AUTS2: variants seen among roughly 807,000 people sequenced by gnomAD.
AUTS2 encodes activator of transcription and developmental regulator AUTS2, also known as autism susceptibility gene 2 protein.
Under a neutral mutation model 112.4 loss-of-function variants are expected in AUTS2, and 17 were observed. The ratio of observed to expected loss-of-function variants is 0.15; its 90% CI spans 0.10 to 0.23. The LOEUF (loss-of-function observed/expected upper bound fraction) is 0.23, where lower values mean the gene tolerates loss of function less well. Among genes scored for constraint, AUTS2 ranks in the 10% least tolerant of loss-of-function variants. The pLI is 1.00. For synonymous variants in AUTS2, 751 were observed against 702.7 expected (o/e 1.07, Z -1.09); for missense variants, 1,510 against 1,701.6 (o/e 0.89, Z 1.98).
intron 5 of AUTS2, among the ~76,000 whole-genome samples, chr7:70,573,975 A>C (rs1375761438): frequency 6.6e-6 from 1 of 152,104 alleles, no homozygotes; most frequent in Non-Finnish European, 1.5e-5. Context: ...CTGTTTCTCC[A>C]TGAAGGTGTA....
intron 2 of AUTS2, among the ~76,000 whole-genome samples, chr7:70,044,819 C>T (rs1442676062): frequency 1.3e-5 from 2 of 152,064 alleles, no homozygotes; most frequent in African/African-American, 4.8e-5. Context: ...GTAAGATGAC[C>T]AGATTCAACT....
At chr7:70,509,472 G>A (rs1307142347) in intron 5 of AUTS2, among the ~76,000 whole-genome samples, 1 of 152,198 alleles carries the variant, frequency 6.6e-6, no homozygotes, top group Non-Finnish European at 1.5e-5. Context: ...ACCATGTTAA[G>A]TATTTTTCCA....
intron 5 of AUTS2, among the ~76,000 whole-genome samples, chr7:70,517,395 A>T: frequency 6.6e-6 from 1 of 152,148 alleles, no homozygotes; most frequent in Non-Finnish European, 1.5e-5. Flanking sequence ...TGCAAATCCC[A>T]GCCATCATTT....
At chr7:70,024,772 G>A (rs866425745) in intron 2 of AUTS2, among the ~76,000 whole-genome samples, 5 of 152,094 alleles carry the variant, frequency 3.3e-5, no homozygotes, top group Non-Finnish European at 5.9e-5. Context: ...GCAGTCTTGA[G>A]GCAAAATCTC....
intron 4 of AUTS2, among the ~76,000 whole-genome samples, chr7:70,192,345 TG>T (rs1809946978): frequency 6.6e-6 from 1 of 152,224 alleles, no homozygotes; most frequent in Admixed American, 6.5e-5. Context: ...ATGAATTTAG[TG>T]TGGGCCCTCT....
intron 6 of AUTS2, among the ~76,000 whole-genome samples, chr7:70,729,461 G>C (rs1787237245): frequency 6.6e-6 from 1 of 152,160 alleles, no homozygotes; most frequent in Non-Finnish European, 1.5e-5. Context: ...CCCCAGGGGG[G>C]CTTCCATGTT....
intron 4 of AUTS2, among the ~76,000 whole-genome samples, chr7:70,161,856 A>G (rs2129577502): frequency 6.6e-6 from 1 of 152,226 alleles, no homozygotes; most frequent in African/African-American, 2.4e-5. Context: ...AAACTTTTCT[A>G]AAAGGAATTA....
intron 4 of AUTS2, among the ~76,000 whole-genome samples, chr7:70,365,989 AC>A (rs1365544758): frequency 6.6e-6 from 1 of 152,206 alleles, no homozygotes; most frequent in Non-Finnish European, 1.5e-5. Flanking sequence ...TTGGGTACCT[AC>A]CATAAGCCAG....
rs139579173 is a variant in AUTS2, at chr7:70,272,458, A to G, written c.660+137887A>G. ...GGGGACATGTAATTCCTGATGGGGT[A>G]TGTCATACTGAACCTCTGAAGTCCC... On this transcript the variant is annotated intron_variant, in intron 4 of 18. Coordinates refer to ENST00000342771, the MANE Select transcript of AUTS2 (RefSeq NM_015570.4). Among the ~76,000 whole-genome samples the G allele has an allele frequency of 1.0e-3, 154 of 152,286 alleles. 1 individual carries two copies. Among genetic ancestry groups the G allele is most frequent in the East Asian group, 2.7e-3 (14 of 5,170 alleles).
chr7:69,664,967 G>T (rs1000440166), intron 1 of AUTS2, among the ~76,000 whole-genome samples: 2 of 152,186 alleles, frequency 1.3e-5, no homozygotes, highest in Admixed American at 1.3e-4. Context: ...AGGGAAGAAA[G>T]AGAAGATTTG....
rs577314164 is a variant in AUTS2, at chr7:70,312,812, A to G, written c.661-122940A>G. ...ACAAGTCACACGGGGCTGAAGGCAG[A>G]TAGTGTAACTAGGATTTGAATTTTT... On this transcript the variant is annotated intron_variant, in intron 4 of 18. Transcript: ENST00000342771. Among the ~76,000 whole-genome samples, 12 of 152,370 alleles carry G rather than the reference A, an allele frequency of 7.9e-5. No homozygotes were observed. In the South Asian group the frequency reaches 2.5e-3, roughly 32 times the overall value.
At chr7:70,126,918 C>G (rs775435959) in intron 3 of AUTS2, among the ~76,000 whole-genome samples, 1 of 152,046 alleles carries the variant, frequency 6.6e-6, no homozygotes, top group Non-Finnish European at 1.5e-5. Flanking sequence ...CCTCCACCTC[C>G]TGGGTTCAAG....
At chr7:70,329,740 C>T (rs1790658467) in intron 4 of AUTS2, among the ~76,000 whole-genome samples, 1 of 150,884 alleles carries the variant, frequency 6.6e-6, no homozygotes, top group Non-Finnish European at 1.5e-5. Context: ...TAATAAATGC[C>T]TTTTGATGCA....
chr7:69,849,674 A>G (rs1227855913), intron 1 of AUTS2, among the ~76,000 whole-genome samples: 1 of 152,016 alleles, frequency 6.6e-6, no homozygotes, highest in Non-Finnish European at 1.5e-5. Flanking sequence ...AATATGAAAT[A>G]TATACATTAA....
At chr7:70,540,050 C>T (rs1268379761) in intron 5 of AUTS2, among the ~76,000 whole-genome samples, 3 of 152,088 alleles carry the variant, frequency 2.0e-5, no homozygotes, top group Non-Finnish European at 4.4e-5. Flanking sequence ...TTCCTTGCCT[C>T]AATTTTTCTT....
intron 4 of AUTS2, among the ~76,000 whole-genome samples, chr7:70,432,648 CAG>C: frequency 6.6e-6 from 1 of 152,240 alleles, no homozygotes; most frequent in Non-Finnish European, 1.5e-5. Flanking sequence ...TGGCTTTTTA[CAG>C]AGTGTGTTAG....
chr7:70,387,097 C>T (rs1474494313), intron 4 of AUTS2, among the ~76,000 whole-genome samples: 1 of 152,172 alleles, frequency 6.6e-6, no homozygotes, highest in Non-Finnish European at 1.5e-5. Flanking sequence ...TTAAAAAATA[C>T]CTCTATCCTG....
At chr7:70,643,357 A>G (rs1425291962) in intron 5 of AUTS2, among the ~76,000 whole-genome samples, 1 of 152,198 alleles carries the variant, frequency 6.6e-6, no homozygotes, top group Non-Finnish European at 1.5e-5. Context: ...CAGATCATGA[A>G]GTCAAGAGAT....
At chr7:69,825,602 G>A (rs1791206264) in intron 1 of AUTS2, among the ~76,000 whole-genome samples, 1 of 152,068 alleles carries the variant, frequency 6.6e-6, no homozygotes, top group Admixed American at 6.5e-5. Context: ...ATCCTCTGCA[G>A]CCAGTCTAGT....
Sources: gnomAD v4.1 joint callset for allele counts (sites outside exome capture counted in the v4.1 genomes callset) on GRCh38, gnomAD v4.1.1 for gene constraint, MANE v1.5 for transcripts, NCBI Gene and HGNC (gene_info 2026-07-23, HGNC 2026-07-21) for gene names.